The following SGO1 variants were observed in gnomAD, a reference collection of about 807,000 sequenced individuals.
The protein encoded by SGO1 is shugoshin 1, also known as serologically defined breast cancer antigen NY-BR-85.
SGO1 carries 39 observed loss-of-function variants against 50.5 expected under a neutral mutation model. The observed-to-expected ratio is 0.77, with a 90% CI of 0.60 to 1.01. The LOEUF is 1.01. Ranked by LOEUF, SGO1 falls within the 50% of genes least tolerant of loss-of-function variation. The probability of loss-of-function intolerance (pLI) is 0.00; values close to 1 mark genes in which losing one functional copy is unlikely to be tolerated. For synonymous variants in SGO1, 191 were observed against 205.1 expected (o/e 0.93, Z 0.59); for missense variants, 638 against 606.0 (o/e 1.05, Z -0.55).
intron 3 of SGO1, among the ~76,000 whole-genome samples, chr3:20,183,229 T>C (rs1702226900): frequency 1.3e-5 from 2 of 152,216 alleles, no homozygotes; most frequent in South Asian, 2.1e-4. Flanking sequence ...AAAGCTAAGA[T>C]AGCATTGATT....
intron 4 of SGO1, 48 bp downstream of exon 4, chr3:20,178,223 T>G: frequency 7.6e-7 from 1 of 1,312,290 alleles, no homozygotes; most frequent in Non-Finnish European, 1.1e-6. Context: ...ATCACAGAAT[T>G]AAACCTTTCT....
downstream of SGO1, chr3:20,168,910 GGTGTTA>G (rs1188303580): frequency 2.6e-5 from 26 of 983,802 alleles, no homozygotes; most frequent in Middle Eastern, 1.0e-3. Flanking sequence ...TGGGATTACA[GGTGTTA>G]GTAGTTTCTC....
At chr3:20,180,857 C>T (rs1243158289) in intron 3 of SGO1, among the ~76,000 whole-genome samples, 2 of 152,158 alleles carry the variant, frequency 1.3e-5, no homozygotes, top group East Asian at 1.9e-4. Flanking sequence ...CCAGGTGTGG[C>T]GGCTTCTGCC....
chr3:20,183,838 A>C (rs751173672), intron 2 of SGO1, 34 bp from the exon 3 acceptor site: 14 of 1,604,204 alleles, frequency 8.7e-6, no homozygotes, highest in Non-Finnish European at 1.2e-5. Flanking sequence ...TCAGTTATTA[A>C]ATCTAAACTT....
rs765862518 is a variant in SGO1 at position 20,174,381 on chromosome 3, G to A, written c.1150C>T (p.Pro384Ser). 11 of 1,614,136 alleles carry A rather than the reference G, an allele frequency of 6.8e-6. No homozygotes were observed. In the South Asian group the frequency reaches 1.1e-4, roughly 16 times the overall value. ...SGDDSDDLYLPTCKYIQNPTS... is the reference protein window; with the variant it reads ...SGDDSDDLYLSTCKYIQNPTS... ...GGATTCTGAATGTACTTGCAAGTGG[G>A]CAAATAGAGGTCATCGGAATCATCT... is the stretch of plus-strand genomic sequence containing the variant. The change falls in exon 6 of 8, where the codon CCC becomes TCC. Residue 384 changes from proline (P) to serine (S), a missense_variant. Pro to Ser is a moderately conservative substitution (Grantham distance 74). Coordinates refer to ENST00000412997, the MANE Select transcript of SGO1 (RefSeq NM_001199251.3).
At chr3:20,176,463 G>C in intron 5 of SGO1, 138 bp downstream of exon 5, 2 of 580,388 alleles carry the variant, frequency 3.4e-6, no homozygotes, top group Non-Finnish European at 6.0e-6. Flanking sequence ...AAAATAAACA[G>C]ATTTGCTTTG....
In SGO1 at chr3:20,183,790, G is replaced by T; in HGVS notation, c.157C>A (p.Leu53Met). Residue 53 changes from leucine to methionine, a missense_variant, in exon 3 of 8, where the codon CTG becomes ATG. Physicochemically the swap from Leu to Met is conservative, Grantham distance 15. Transcript: ENST00000412997. ...PCQIITNTST[L>M]LKNYQDNNKM... ...TTGTTGTCTTGGTAATTTTTCAGCA[G>T]TGTAGAAGTGTTGGCTAAAAGAGGA... 1.2e-6 allele frequency: 2 copies of T among 1,607,950 alleles called. No homozygotes were observed. The highest frequency in any genetic ancestry group is 1.7e-6 in the Non-Finnish European group (2 of 1,178,652).
Position 20,169,678 on chromosome 3 carries a change from AC to A in SGO1, c.*1025del. On this transcript the variant is annotated 3_prime_UTR_variant, in exon 8 of 8. Transcript: ENST00000412997. ...GAGATTTCTGACTAAATAAGGAGCTACCCTGAAAGTACATGACATTTGTAAT... is the reference window on the plus strand; with the variant it reads ...GAGATTTCTGACTAAATAAGGAGCTACCTGAAAGTACATGACATTTGTAAT... 1.1e-6 allele frequency: 1 copy of A among 931,764 alleles called. No individual in the cohort carries two copies. Among genetic ancestry groups the A allele is most frequent in the Non-Finnish European group, 1.3e-6 (1 of 781,156 alleles). The allele number at this position is 931,764 out of a possible 1,614,324, so 57.7% of individuals were successfully genotyped here. A position where few individuals can be genotyped will look rare whatever the true frequency, so the allele number is the denominator to read the frequency against.
chr3:20,185,382 TA>T (rs1049566156), intron 1 of SGO1, among the ~76,000 whole-genome samples: 22 of 152,326 alleles, frequency 1.4e-4, no homozygotes, highest in Non-Finnish European at 2.5e-4. Flanking sequence ...TCAAAAGTTT[TA>T]TATCCTGTCT....
Position 20,183,561 on chromosome 3 carries a change from T to A in SGO1, c.339+47A>T, listed in dbSNP as rs757946766. 70 of 1,416,838 alleles carry A rather than the reference T, an allele frequency of 4.9e-5. No homozygotes were observed. In the East Asian group the frequency reaches 1.6e-3, roughly 32 times the overall value. 87.8% of individuals were successfully genotyped at this position (1,416,838 alleles called of 1,614,324 possible). A position where few individuals can be genotyped will look rare whatever the true frequency, so the allele number is the denominator to read the frequency against. On this transcript the variant is annotated intron_variant, in intron 3 of 7. Coordinates refer to ENST00000412997, the MANE Select transcript of SGO1 (RefSeq NM_001199251.3). ...AACATAATTGATCTAAACTACTTAT[T>A]CATGGCTTAACTAAACTAAGAAATT...
At chr3:20,161,204 G>C in exon 9 of SGO1, 1 of 1,606,258 alleles carries the variant, frequency 6.2e-7, no homozygotes, top group Non-Finnish European at 8.5e-7. Context: ...TTGCTTCTTT[G>C]GCAGGTGATA....
intron 8 of SGO1, among the ~76,000 whole-genome samples, chr3:20,161,384 A>G (rs1467322224): frequency 6.6e-6 from 1 of 152,132 alleles, no homozygotes; most frequent in Admixed American, 6.5e-5. Flanking sequence ...AGATACAACA[A>G]ATATCAGAAT....
rs188550755 is a variant in SGO1, at chr3:20,161,318, G to A, written c.1565-92C>T. 6.6e-5 allele frequency: 93 copies of A among 1,403,708 alleles called. No homozygotes were observed. In the African/African-American group the frequency reaches 1.2e-3, roughly 19 times the overall value. The allele number at this position is 1,403,708 out of a possible 1,614,324, so 87.0% of individuals were successfully genotyped here. A position where few individuals can be genotyped will look rare whatever the true frequency, so the allele number is the denominator to read the frequency against. ...CAGAAGGAAAAATAAGTTCCATGAAGGATGAGCTCACAATAAAAAATTAGA... is the reference window on the plus strand; with the variant it reads ...CAGAAGGAAAAATAAGTTCCATGAAAGATGAGCTCACAATAAAAAATTAGA... On this transcript the variant is annotated intron_variant, in intron 8 of 8. Transcript: ENST00000263753.
At chr3:20,175,885 G>A (rs1701335347) in intron 5 of SGO1, among the ~76,000 whole-genome samples, 2 of 152,132 alleles carry the variant, frequency 1.3e-5, no homozygotes, top group South Asian at 4.1e-4. Context: ...CAGATTCAGA[G>A]AAGTAGAACC....
chr3:20,172,840 C>A (rs1359468639), intron 6 of SGO1, among the ~76,000 whole-genome samples: 2 of 150,030 alleles, frequency 1.3e-5, no homozygotes, highest in Non-Finnish European at 3.0e-5. Context: ...ATGGCGCATG[C>A]CTGTAGTCCC....
chr3:20,176,116 G>C (rs1336231270), intron 5 of SGO1, among the ~76,000 whole-genome samples: 1 of 152,194 alleles, frequency 6.6e-6, no homozygotes, highest in East Asian at 1.9e-4. Context: ...CTTGGTTCAA[G>C]TGGAGGAGAT....
In SGO1 at chr3:20,170,721, T is replaced by C. The variant is rs1222259413; in HGVS notation, c.1567A>G (p.Met523Val). Residue 523 changes from methionine (M) to valine (V), a missense_variant, in exon 8 of 8, where the codon ATG becomes GTG. By Grantham distance (21) the Met-to-Val change is conservative (BLOSUM62 1). Transcript: ENST00000412997. ...KKDLRRSKKS[M>V]KQIQ ...CAAAACCTTCATTGTATTTGTTTCA[T>C]ACTTTTTTTAGAACGTCTCAAATCC... 22 of 1,585,620 alleles carry C rather than the reference T, an allele frequency of 1.4e-5. No homozygotes were observed. Among genetic ancestry groups the C allele is most frequent in the Non-Finnish European group, 1.9e-5 (22 of 1,173,404 alleles).
chr3:20,169,032 G>GA (rs944593595), downstream of SGO1: 6,042 of 772,082 alleles, frequency 7.8e-3, no homozygotes, highest in Non-Finnish European at 8.6e-3. Flanking sequence ...GGAGTAGTAA[G>GA]AAAAAAAAAA....
In SGO1 at chr3:20,171,130, G is replaced by T. The variant is rs764508910; in HGVS notation, c.1385C>A (p.Pro462Gln). The T allele has an allele frequency of 6.2e-7, 1 of 1,612,636 alleles. No individual in the cohort carries two copies. The highest frequency in any genetic ancestry group is 1.7e-5 in the Admixed American group (1 of 59,816). ...TGCTGGGCTTGCTTTATTCTTTTTT[G>T]GAGAAAGAGAAAGTCTTCTGATTTT... is the stretch of plus-strand genomic sequence containing the variant. Reference protein sequence around the residue: ...VVKIRRLSLSPKKNKASPAVA... With the variant: ...VVKIRRLSLSQKKNKASPAVA... The change falls in exon 7 of 8, where the codon CCA becomes CAA. Residue 462 changes from proline to glutamine, a missense_variant. Coordinates refer to ENST00000412997, the MANE Select transcript of SGO1 (RefSeq NM_001199251.3).
Sources: gnomAD v4.1 joint callset for allele counts (sites outside exome capture counted in the v4.1 genomes callset) on GRCh38, gnomAD v4.1.1 for gene constraint, MANE v1.5 for transcripts, NCBI Gene and HGNC (gene_info 2026-07-23, HGNC 2026-07-21) for gene names.